Variants in SNTG1 observed in about 807,000 individuals in gnomAD.
SNTG1 encodes the protein gamma-1-syntrophin.
SNTG1 carries 39 observed loss-of-function variants against 74.7 expected under a neutral mutation model. That is an observed-to-expected ratio of 0.52 (90% confidence interval 0.40 to 0.68). The LOEUF is 0.68. SNTG1 is among the 30% of genes least tolerant of loss of function. SNTG1 has a pLI of 0.00. For missense variants in SNTG1, 685 were observed against 609.5 expected (o/e 1.12, Z -1.30); for synonymous variants, 254 against 217.1 (o/e 1.17, Z -1.49).
At chr8:50,121,993 A>AT (rs2081011255) in intron 1 of SNTG1, among the ~76,000 whole-genome samples, 2 of 140,990 alleles carry the variant, frequency 1.4e-5, no homozygotes, top group Admixed American at 1.5e-4. Flanking sequence ...TGGGACTGGG[A>AT]AAAAACCCAA....
chr8:50,043,047 T>A (rs2130828230), intron 1 of SNTG1, among the ~76,000 whole-genome samples: 1 of 152,360 alleles, frequency 6.6e-6, no homozygotes, highest in Non-Finnish European at 1.5e-5. Context: ...CTAGTTTTAT[T>A]TATTTCCCTT....
chr8:50,591,683 G>C (rs2094692752), intron 13 of SNTG1, among the ~76,000 whole-genome samples: 1 of 152,150 alleles, frequency 6.6e-6, no homozygotes, highest in Non-Finnish European at 1.5e-5. Context: ...ATGTTTTGTA[G>C]AAATTGTATC....
chr8:50,485,182 C>T lies in SNTG1; in HGVS notation c.364-17596C>T, dbSNP rs181399805. ...GGCACTGTAGAACCTTGTGGAAAAACGGCTGGGACCATCAGGTTGTGTGGG... is the reference window on the plus strand; with the variant it reads ...GGCACTGTAGAACCTTGTGGAAAAATGGCTGGGACCATCAGGTTGTGTGGG... On this transcript the variant is annotated intron_variant, in intron 8 of 18. Coordinates refer to ENST00000642720, the MANE Select transcript of SNTG1 (RefSeq NM_018967.5). Among the ~76,000 whole-genome samples, 663 of 152,274 alleles carry T rather than the reference C, an allele frequency of 4.4e-3. 4 individuals carry two copies. The highest frequency in any genetic ancestry group is 6.9e-3 in the Admixed American group (106 of 15,292).
At chr8:50,207,002 A>G (rs920612444) in intron 2 of SNTG1, among the ~76,000 whole-genome samples, 1 of 152,150 alleles carries the variant, frequency 6.6e-6, no homozygotes. Context: ...ATTAATGTTC[A>G]TCAGGGATAT....
intron 2 of SNTG1, among the ~76,000 whole-genome samples, chr8:50,351,309 A>G (rs1185335335): frequency 1.3e-5 from 2 of 152,204 alleles, no homozygotes; most frequent in Non-Finnish European, 2.9e-5. Context: ...CTTTGATGGA[A>G]CACTTCTACA....
chr8:50,628,854 G>A lies in SNTG1; in HGVS notation c.850-28055G>A, dbSNP rs142289668. ...TGTGTTTTCACAAATTCAGGTGCTT[G>A]TGTAACACAGTTACCTATCAACATG... On this transcript the variant is annotated intron_variant, in intron 13 of 18. Transcript: ENST00000642720. 4.8e-3 allele frequency among the ~76,000 whole-genome samples: 733 copies of A among 152,216 alleles called. 6 individuals are homozygous for A. The highest frequency in any genetic ancestry group is 0.017 in the African/African-American group (689 of 41,552).
At chr8:50,315,944 A>G (rs1352396897) in intron 2 of SNTG1, among the ~76,000 whole-genome samples, 1 of 152,142 alleles carries the variant, frequency 6.6e-6, no homozygotes, top group Non-Finnish European at 1.5e-5. Flanking sequence ...ATGTGAGAAG[A>G]CTTCACTCAA....
In SNTG1 at chr8:49,932,465, T is replaced by C. The variant is rs187849353; in HGVS notation, c.-103+20234T>C. 1.4e-4 allele frequency among the ~76,000 whole-genome samples: 21 copies of C among 152,182 alleles called. No individual in the cohort carries two copies. The East Asian group carries it at 4.0e-3, about 29-fold the overall frequency. Reference sequence around the variant, plus strand: ...AATATTGAACATTATTATTGAATAATATATAACTTTCATTATTAATGTCCA... The same window carrying C: ...AATATTGAACATTATTATTGAATAACATATAACTTTCATTATTAATGTCCA... On this transcript the variant is annotated intron_variant, in intron 1 of 18. Coordinates refer to ENST00000642720, the MANE Select transcript of SNTG1 (RefSeq NM_018967.5).
At chr8:50,516,226 A>G (rs995368974) in intron 9 of SNTG1, among the ~76,000 whole-genome samples, 1 of 152,226 alleles carries the variant, frequency 6.6e-6, no homozygotes, top group Non-Finnish European at 1.5e-5. Flanking sequence ...GAGAAAAACT[A>G]ACAAACAGAA....
At chr8:50,600,406 T>C (rs1188325126) in intron 13 of SNTG1, among the ~76,000 whole-genome samples, 1 of 152,174 alleles carries the variant, frequency 6.6e-6, no homozygotes, top group East Asian at 1.9e-4. Flanking sequence ...AATTTAGCAG[T>C]GAAGCCATTG....
intron 2 of SNTG1, among the ~76,000 whole-genome samples, chr8:50,313,386 G>A (rs987368399): frequency 2.0e-5 from 3 of 149,718 alleles, no homozygotes; most frequent in African/African-American, 7.5e-5. Flanking sequence ...GACAACCATA[G>A]ATAGAGAAAA....
In SNTG1 at chr8:50,762,022, A is replaced by T. The variant is rs575034936; in HGVS notation, c.1395+9911A>T. 3.3e-5 allele frequency among the ~76,000 whole-genome samples: 5 copies of T among 152,144 alleles called. No individual in the cohort carries two copies. The South Asian group carries it at 8.3e-4, about 25-fold the overall frequency. On this transcript the variant is annotated intron_variant, in intron 18 of 18. Transcript: ENST00000642720. ...AGTTAAGGCCAAAAATATAAAGTAG[A>T]CATTGCTACCTTATTTATCTTCAAC...
chr8:50,126,767 G>T (rs1456351280), intron 1 of SNTG1, among the ~76,000 whole-genome samples: 1 of 152,012 alleles, frequency 6.6e-6, no homozygotes, highest in Non-Finnish European at 1.5e-5. Context: ...ATAGTATCCA[G>T]GTTAGACAGA....
At chr8:50,225,075 A>T (rs1289712052) in intron 2 of SNTG1, among the ~76,000 whole-genome samples, 3 of 152,028 alleles carry the variant, frequency 2.0e-5, no homozygotes, top group Non-Finnish European at 4.4e-5. Flanking sequence ...GGTTCACGCC[A>T]TTCCCCTGCC....
At chr8:50,570,276 A>ATTTTATTTTATTTTT (rs796738437) in intron 12 of SNTG1, among the ~76,000 whole-genome samples, 1 of 40,036 alleles carries the variant, frequency 2.5e-5, no homozygotes, top group Non-Finnish European at 9.1e-5. Flanking sequence ...ATTTTATTTT[A>ATTTTATTTTATTTTT]TAGATGGAGT....
intron 2 of SNTG1, among the ~76,000 whole-genome samples, chr8:50,371,359 C>T (rs1012998185): frequency 6.6e-6 from 1 of 152,182 alleles, no homozygotes; most frequent in Admixed American, 6.5e-5. Context: ...AAATAAGTCA[C>T]ATGAACTAGT....
chr8:50,506,750 T>G (rs1292585950), intron 9 of SNTG1, among the ~76,000 whole-genome samples: 1 of 152,066 alleles, frequency 6.6e-6, no homozygotes. Flanking sequence ...AGCTCATATC[T>G]GCAAACAAAG....
At chr8:50,222,990 A>G (rs2085147854) in intron 2 of SNTG1, among the ~76,000 whole-genome samples, 1 of 152,204 alleles carries the variant, frequency 6.6e-6, no homozygotes, top group Non-Finnish European at 1.5e-5. Context: ...AATAGTCAAT[A>G]GAAATAGACC....
At chr8:50,604,393 A>T (rs1056656298) in intron 13 of SNTG1, among the ~76,000 whole-genome samples, 9 of 151,966 alleles carry the variant, frequency 5.9e-5, no homozygotes, top group Non-Finnish European at 1.0e-4. Context: ...TTCAGCCTAG[A>T]TGACAGAGGA....
Sources: gnomAD v4.1 joint callset for allele counts (sites outside exome capture counted in the v4.1 genomes callset) on GRCh38, gnomAD v4.1.1 for gene constraint, MANE v1.5 for transcripts, NCBI Gene and HGNC (gene_info 2026-07-23, HGNC 2026-07-21) for gene names.